Variants in CRTC3 observed in about 807,000 individuals in gnomAD.
The protein encoded by CRTC3 is CREB regulated transcription coactivator 3.
CRTC3 carries 26 observed loss-of-function variants against 74.5 expected under a neutral mutation model. The ratio of observed to expected loss-of-function variants is 0.35; its 90% CI spans 0.26 to 0.48. The LOEUF is 0.48. Among genes scored for constraint, CRTC3 ranks in the 20% least tolerant of loss-of-function variants. The probability of loss-of-function intolerance (pLI) is 0.99; values close to 1 mark genes in which losing one functional copy is unlikely to be tolerated. For synonymous variants in CRTC3, 377 were observed against 325.8 expected (o/e 1.16, Z -1.69); for missense variants, 760 against 787.3 (o/e 0.97, Z 0.41).
chr15:90,547,927 T>G (rs946034127), intron 2 of CRTC3, among the ~76,000 whole-genome samples: 1 of 137,430 alleles, frequency 7.3e-6, no homozygotes, highest in African/African-American at 2.8e-5. Flanking sequence ...GGTCTCAAGG[T>G]CACCCAGCTG....
intron 1 of CRTC3, among the ~76,000 whole-genome samples, chr15:90,534,468 G>C (rs1429458044): frequency 6.6e-6 from 1 of 152,168 alleles, no homozygotes; most frequent in African/African-American, 2.4e-5. Context: ...TGGCTGCCTA[G>C]GAAGAATTGA....
chr15:90,604,558 T>A (rs1285935234), intron 5 of CRTC3, 111 bp downstream of exon 5: 5 of 848,242 alleles, frequency 5.9e-6, no homozygotes, highest in South Asian at 1.5e-5. Context: ...TGTGTTGATA[T>A]GACATGTTCA....
intron 2 of CRTC3, among the ~76,000 whole-genome samples, chr15:90,543,565 A>G (rs1042953960): frequency 2.0e-5 from 3 of 152,210 alleles, no homozygotes; most frequent in African/African-American, 7.2e-5. Context: ...AGTATGCTCT[A>G]CAGAGTAAGA....
intron 14 of CRTC3, 21 bp downstream of exon 14, chr15:90,641,220 C>T (rs765903552): frequency 6.9e-7 from 1 of 1,442,906 alleles, no homozygotes; most frequent in Non-Finnish European, 9.8e-7. Context: ...TATCCCTCAG[C>T]TTCTTTACTG....
At chr15:90,554,513 C>T (rs576546418) in intron 2 of CRTC3, among the ~76,000 whole-genome samples, 1 of 152,264 alleles carries the variant, frequency 6.6e-6, no homozygotes, top group African/African-American at 2.4e-5. Flanking sequence ...AAGGTATTTC[C>T]TCTTATAATT....
rs1000189506 is a variant in CRTC3 at position 90,642,482 on chromosome 15, C to T, written c.*342C>T. On this transcript the variant is annotated 3_prime_UTR_variant, in exon 15 of 15. Transcript: ENST00000268184. ...GAAATACTGTGTCACTGGAGGCCTC[C>T]GTAGCATTGTGTAGTGTGCTCAGAA... 47 of 429,038 alleles carry T rather than the reference C, an allele frequency of 1.1e-4. No homozygotes were observed. The highest frequency in any genetic ancestry group is 6.2e-4 in the Admixed American group (17 of 27,230). 26.6% of individuals were successfully genotyped at this position (429,038 alleles called of 1,614,324 possible).
chr15:90,580,871 G>C (rs1252211798), intron 2 of CRTC3, among the ~76,000 whole-genome samples: 2 of 151,916 alleles, frequency 1.3e-5, no homozygotes, highest in East Asian at 3.9e-4. Context: ...TGGTAGCTTG[G>C]TTCGTTATGG....
At chr15:90,555,254 C>T (rs1332815947) in intron 2 of CRTC3, among the ~76,000 whole-genome samples, 2 of 152,170 alleles carry the variant, frequency 1.3e-5, no homozygotes, top group African/African-American at 4.8e-5. Context: ...CTTGCCTAAA[C>T]ATATATAGAT....
chr15:90,572,940 T>G lies in CRTC3; in HGVS notation c.232-20696T>G, dbSNP rs141221565. Among the ~76,000 whole-genome samples the G allele has an allele frequency of 8.1e-4, 124 of 152,310 alleles. 1 individual carries two copies. The highest frequency in any genetic ancestry group is 3.0e-3 in the African/African-American group (124 of 41,568). On this transcript the variant is annotated intron_variant, in intron 2 of 14. Transcript: ENST00000268184. ...CATAACTTAAAACTTAACATCTTGA[T>G]TTATTTTTAAGTTTACAGTTCATTA...
At chr15:90,572,188 A>G (rs1967285613) in intron 2 of CRTC3, among the ~76,000 whole-genome samples, 1 of 148,846 alleles carries the variant, frequency 6.7e-6, no homozygotes. Flanking sequence ...AAAAGGCAGA[A>G]CTTGATACAC....
chr15:90,622,543 CT>C (rs1051277767), intron 9 of CRTC3, among the ~76,000 whole-genome samples: 2 of 152,176 alleles, frequency 1.3e-5, no homozygotes, highest in African/African-American at 4.8e-5. Context: ...CAGTTCCATA[CT>C]TCCAGCCATC....
intron 2 of CRTC3, among the ~76,000 whole-genome samples, chr15:90,553,586 C>A (rs1051148874): frequency 2.6e-5 from 4 of 152,042 alleles, no homozygotes; most frequent in African/African-American, 9.7e-5. Context: ...ATAGAAGGGG[C>A]GGGGAAACGT....
At chr15:90,541,316 A>G (rs1966798125) in intron 2 of CRTC3, among the ~76,000 whole-genome samples, 1 of 152,236 alleles carries the variant, frequency 6.6e-6, no homozygotes, top group Non-Finnish European at 1.5e-5. Flanking sequence ...TCTTTGTGGT[A>G]GAAACTGGGT....
intron 5 of CRTC3, among the ~76,000 whole-genome samples, chr15:90,605,033 A>G (rs1407329193): frequency 6.6e-6 from 1 of 152,146 alleles, no homozygotes; most frequent in African/African-American, 2.4e-5. Flanking sequence ...GGCTGAGGCC[A>G]GAGGATCGTG....
chr15:90,639,028 T>G (rs1233340454), intron 13 of CRTC3, among the ~76,000 whole-genome samples: 2 of 152,214 alleles, frequency 1.3e-5, no homozygotes, highest in Non-Finnish European at 2.9e-5. Flanking sequence ...GAGGAACTAT[T>G]GGAACAATCG....
In CRTC3 at chr15:90,629,373, T is replaced by G; in HGVS notation, c.1107T>G (p.Leu369=). 1 of 1,614,012 alleles carries G rather than the reference T, an allele frequency of 6.2e-7. No homozygotes were observed. Among genetic ancestry groups the G allele is most frequent in the Non-Finnish European group, 8.5e-7 (1 of 1,179,986 alleles). ...ACCCTTCGCTCCGTCTGTTTTCCCT[T>G]AGCAACCCATCTCTTTCCACCACAA... ...ALHPSLRLFS[L]SNPSLSTTNL... is the part of the protein sequence containing the mutation. The change falls in exon 11 of 15, where the codon CTT becomes CTG. Residue 369 remains leucine, a synonymous_variant. Transcript: ENST00000268184.
rs1966601591 is a variant in CRTC3 at position 90,530,194 on chromosome 15, C to T, written c.123C>T (p.Thr41=). 5.5e-6 allele frequency: 7 copies of T among 1,283,528 alleles called. No individual in the cohort carries two copies. Among genetic ancestry groups the T allele is most frequent in the Non-Finnish European group, 7.1e-6 (7 of 990,700 alleles). The allele number at this position is 1,283,528 out of a possible 1,614,324, so 79.5% of individuals were successfully genotyped here. A position where few individuals can be genotyped will look rare whatever the true frequency, so the allele number is the denominator to read the frequency against. The change falls in exon 1 of 15, where the codon ACC becomes ACT. Residue 41 remains threonine, a synonymous_variant. Coordinates refer to ENST00000268184, the MANE Select transcript of CRTC3 (RefSeq NM_022769.5). This position sits in a 1 kb window ranked among gnomAD's most constrained non-coding sequence, Gnocchi z 6.2. ...RAFEQLMTDL[T]LSRVQFQKLQ... is the part of the protein sequence containing the mutation. ...TCGAGCAGCTCATGACCGACCTCAC[C>T]CTGTCGCGGGTGAGGGCCCGGGCCG...
intron 1 of CRTC3, among the ~76,000 whole-genome samples, chr15:90,538,772 C>CTT (rs1567158104): frequency 6.7e-5 from 3 of 44,770 alleles, no homozygotes; most frequent in Admixed American, 2.0e-4. Flanking sequence ...CCAAACTTCA[C>CTT]CTTTTTTTTT....
chr15:90,633,510 T>G (rs1024850486), intron 11 of CRTC3, among the ~76,000 whole-genome samples: 2 of 152,196 alleles, frequency 1.3e-5, no homozygotes, highest in African/African-American at 4.8e-5. Context: ...CTCTTAACAC[T>G]TTGCATGGAA....
Sources: allele counts gnomAD v4.1 joint callset (sites outside exome capture counted in the v4.1 genomes callset), GRCh38; gene constraint gnomAD v4.1.1; non-coding constraint Gnocchi (gnomAD v3.1); transcripts MANE v1.5; gene names NCBI Gene and HGNC (gene_info 2026-07-23, HGNC 2026-07-21).